The following NRXN1 variants were observed in gnomAD, a reference collection of about 807,000 sequenced individuals.
NRXN1 encodes neurexin 1.
Under a neutral mutation model 150.9 loss-of-function variants are expected in NRXN1, and 39 were observed. That is an observed-to-expected ratio of 0.26 (90% confidence interval 0.20 to 0.34). The LOEUF is 0.34. Ranked by LOEUF, NRXN1 falls within the 10% of genes least tolerant of loss-of-function variation. The probability of loss-of-function intolerance (pLI) is 1.00; values close to 1 mark genes in which losing one functional copy is unlikely to be tolerated. For missense variants in NRXN1, 1,815 were observed against 1,949.9 expected, an observed-to-expected ratio of 0.93 and a Z score of 1.30; for synonymous variants, 924 against 757.0, an observed-to-expected ratio of 1.22 and a Z score of -3.62.
chr2:50,833,257 G>A (rs1671656863), intron 5 of NRXN1, among the ~76,000 whole-genome samples: 1 of 152,094 alleles, frequency 6.6e-6, no homozygotes, highest in South Asian at 2.1e-4. Context: ...CAGTTCCTCT[G>A]GAAAACAGTT....
At chr2:50,254,097 T>C (rs1361334859) in intron 17 of NRXN1, among the ~76,000 whole-genome samples, 1 of 151,894 alleles carries the variant, frequency 6.6e-6, no homozygotes, top group East Asian at 1.9e-4. Context: ...TCAGAACCTG[T>C]TTTTGGTCTA....
rs114175084 is a variant in NRXN1, at chr2:50,324,752, C to T, written c.3365-87782G>A. 6.7e-3 allele frequency among the ~76,000 whole-genome samples: 1,025 copies of T among 152,330 alleles called. 7 individuals are homozygous for T. Among genetic ancestry groups the T allele is most frequent in the African/African-American group, 0.023 (947 of 41,584 alleles). ...TCTTGCCTGCTTAAGCTTCTCCTTC[C>T]ACTCCTCCAACATTTCCTTAGTCAC... On this transcript the variant is annotated intron_variant, in intron 17 of 22. Transcript: ENST00000401669.
At chr2:50,574,479 C>G (rs1008128449) in intron 8 of NRXN1, among the ~76,000 whole-genome samples, 2 of 152,106 alleles carry the variant, frequency 1.3e-5, no homozygotes, top group East Asian at 1.9e-4. Context: ...TCTCCCAAGG[C>G]TCCTTTCCTA....
At chr2:50,257,223 G>T (rs938870078) in intron 17 of NRXN1, among the ~76,000 whole-genome samples, 1 of 152,002 alleles carries the variant, frequency 6.6e-6, no homozygotes, top group Non-Finnish European at 1.5e-5. Flanking sequence ...GGAGGCTACC[G>T]ATAATCTATT....
chr2:50,721,671 A>T (rs1301097786), intron 5 of NRXN1, among the ~76,000 whole-genome samples: 2 of 152,196 alleles, frequency 1.3e-5, no homozygotes, highest in Non-Finnish European at 2.9e-5. Context: ...AGCAGTTAAA[A>T]GGAAGTTATA....
chr2:50,469,168 AC>A (rs1464591314), intron 16 of NRXN1, among the ~76,000 whole-genome samples: 1 of 151,484 alleles, frequency 6.6e-6, no homozygotes, highest in African/African-American at 2.4e-5. Flanking sequence ...TGAATTAGAA[AC>A]CCTGGGGGTT....
intron 2 of NRXN1, among the ~76,000 whole-genome samples, chr2:51,004,146 G>A (rs1422454309): frequency 1.3e-5 from 2 of 151,684 alleles, no homozygotes; most frequent in Admixed American, 1.3e-4. Context: ...CAAGTTTGGG[G>A]TCTAGCCAAC....
intron 21 of NRXN1, among the ~76,000 whole-genome samples, chr2:50,004,900 C>T (rs1018754925): frequency 3.3e-5 from 5 of 152,138 alleles, no homozygotes; most frequent in Admixed American, 6.6e-5. Flanking sequence ...TTGCTCATCT[C>T]ATTGCTAAAA....
chr2:51,018,230 G>A (rs1669044887), intron 2 of NRXN1, among the ~76,000 whole-genome samples: 2 of 152,114 alleles, frequency 1.3e-5, no homozygotes, highest in Admixed American at 6.6e-5. Flanking sequence ...TATTAGTGAA[G>A]CAACTGTTCG....
rs1380707004 is a variant in NRXN1, at chr2:50,170,961, TTG to T, written c.3546+65826_3546+65827del. Among the ~76,000 whole-genome samples the T allele has an allele frequency of 7.2e-5, 11 of 152,164 alleles. 2 individuals carry two copies. Among genetic ancestry groups the T allele is most frequent in the Admixed American group, 7.2e-4 (11 of 15,278 alleles). On this transcript the variant is annotated intron_variant, in intron 18 of 22. Transcript: ENST00000401669. ...CAATAAGCAGTTGATAACACATATT[TTG>T]TGTGTTATATGTAGTATATACTGCA...
At chr2:51,013,206 T>A (rs1469170384) in intron 2 of NRXN1, among the ~76,000 whole-genome samples, 2 of 151,728 alleles carry the variant, frequency 1.3e-5, no homozygotes, top group South Asian at 2.1e-4. Context: ...CTCAACAACG[T>A]TTAAGGAAAC....
At chr2:50,783,146 T>TCTATC (rs1409155795) in intron 5 of NRXN1, among the ~76,000 whole-genome samples, 2 of 152,174 alleles carry the variant, frequency 1.3e-5, no homozygotes, top group Non-Finnish European at 2.9e-5. Flanking sequence ...AGGATTGAAT[T>TCTATC]CTAGTTTAAA....
intron 5 of NRXN1, among the ~76,000 whole-genome samples, chr2:50,733,371 TATTTA>T (rs1698336865): frequency 6.6e-6 from 1 of 152,184 alleles, no homozygotes; most frequent in African/African-American, 2.4e-5. Context: ...TGTGTTAAAT[TATTTA>T]ATTTGTGTTT....
chr2:50,376,827 C>T (rs1368597310), intron 17 of NRXN1, among the ~76,000 whole-genome samples: 1 of 152,080 alleles, frequency 6.6e-6, no homozygotes, highest in Non-Finnish European at 1.5e-5. Context: ...CCATTCCAAT[C>T]CCCTTGATTT....
At chr2:50,230,546 C>G (rs2064842633) in intron 18 of NRXN1, among the ~76,000 whole-genome samples, 1 of 151,852 alleles carries the variant, frequency 6.6e-6, no homozygotes, top group Non-Finnish European at 1.5e-5. Context: ...AGAATGGAGA[C>G]AGAAGGATAG....
At chr2:50,473,098 C>T (rs2089675147) in intron 15 of NRXN1, among the ~76,000 whole-genome samples, 2 of 151,790 alleles carry the variant, frequency 1.3e-5, no homozygotes, top group South Asian at 2.1e-4. Context: ...GGCTGAAGCC[C>T]ACTATCCTTG....
chr2:50,434,356 A>T (rs1263328811), intron 17 of NRXN1, among the ~76,000 whole-genome samples: 1 of 152,010 alleles, frequency 6.6e-6, no homozygotes, highest in African/African-American at 2.4e-5. Flanking sequence ...TGCTGGGATT[A>T]CAGGCGTGAG....
At chr2:51,002,543 T>C (rs1256012609) in intron 2 of NRXN1, among the ~76,000 whole-genome samples, 1 of 151,964 alleles carries the variant, frequency 6.6e-6, no homozygotes, top group Non-Finnish European at 1.5e-5. Flanking sequence ...TATTTTCCAG[T>C]GCATATAAAG....
intron 5 of NRXN1, among the ~76,000 whole-genome samples, chr2:50,740,240 T>C (rs753909115): frequency 7.9e-5 from 12 of 152,180 alleles, no homozygotes; most frequent in Non-Finnish European, 5.9e-5. Flanking sequence ...GGTAGAACCC[T>C]TCTAATGCCT....
Sources: allele counts gnomAD v4.1 joint callset (sites outside exome capture counted in the v4.1 genomes callset), GRCh38; gene constraint gnomAD v4.1.1; transcripts MANE v1.5; gene names NCBI Gene and HGNC (gene_info 2026-07-23, HGNC 2026-07-21).